PDE4D: variants seen among roughly 807,000 people sequenced by gnomAD.
PDE4D encodes phosphodiesterase 4D, also known as 3',5'-cyclic-AMP phosphodiesterase 4D.
PDE4D carries 24 observed loss-of-function variants against 87.4 expected under a neutral mutation model. The observed-to-expected ratio is 0.27, with a 90% confidence interval of 0.20 to 0.39. The LOEUF is 0.39. Ranked by LOEUF, PDE4D falls within the 10% of genes least tolerant of loss-of-function variation. PDE4D has a pLI of 1.00. For missense variants in PDE4D, 714 were observed against 1,041.0 expected (o/e 0.69, Z 4.32); for synonymous variants, 384 against 383.2 (o/e 1.00, Z -0.02).
chr5:59,881,636 C>T (rs1218707775), intron 1 of PDE4D, among the ~76,000 whole-genome samples: 1 of 151,816 alleles, frequency 6.6e-6, no homozygotes, highest in Non-Finnish European at 1.5e-5. Flanking sequence ...AATTGGTAAC[C>T]CTGGAGTTCA....
chr5:59,113,227 AGG>A (rs900204407), intron 5 of PDE4D, among the ~76,000 whole-genome samples: 26 of 152,244 alleles, frequency 1.7e-4, no homozygotes, highest in Non-Finnish European at 3.8e-4. Context: ...ATGATAAAAT[AGG>A]GGTACAGAAG....
chr5:60,287,399 G>A (rs1195979395), intron 1 of PDE4D, among the ~76,000 whole-genome samples: 1 of 152,118 alleles, frequency 6.6e-6, no homozygotes, highest in Non-Finnish European at 1.5e-5. Flanking sequence ...CAGGCCTTAG[G>A]GCACCATTGC....
chr5:60,300,895 T>C (rs916188299), intron 1 of PDE4D, among the ~76,000 whole-genome samples: 4 of 152,120 alleles, frequency 2.6e-5, no homozygotes, highest in East Asian at 1.9e-4. Flanking sequence ...CTCAGCCTCC[T>C]GAGTACCTGG....
At chr5:60,358,377 T>G (rs186579722) in intron 1 of PDE4D, among the ~76,000 whole-genome samples, 1 of 152,224 alleles carries the variant, frequency 6.6e-6, no homozygotes, top group Non-Finnish European at 1.5e-5. Context: ...GTCTTTTTGA[T>G]CACTGCATTT....
chr5:59,771,431 GAA>G (rs1169720007), intron 1 of PDE4D, among the ~76,000 whole-genome samples: 1,850 of 82,528 alleles, frequency 0.022, 27 homozygotes, highest in South Asian at 0.033. Context: ...GAAAGAAAAA[GAA>G]AAAGAAAGAA....
chr5:60,473,283 C>T (rs1218634654), intron 1 of PDE4D, among the ~76,000 whole-genome samples: 1 of 151,444 alleles, frequency 6.6e-6, no homozygotes, highest in Non-Finnish European at 1.5e-5. Flanking sequence ...GGCAGAGAAG[C>T]AAGGGAGGAA....
chr5:59,635,952 T>G (rs1156774733), intron 1 of PDE4D, among the ~76,000 whole-genome samples: 1 of 152,224 alleles, frequency 6.6e-6, no homozygotes, highest in Non-Finnish European at 1.5e-5. Flanking sequence ...ATTATCTCTC[T>G]TTGCGGATGA....
intron 2 of PDE4D, among the ~76,000 whole-genome samples, chr5:60,149,933 T>TAC (rs1466773847): frequency 6.8e-6 from 1 of 147,200 alleles, no homozygotes; most frequent in Non-Finnish European, 1.5e-5. Context: ...ATCCTATATA[T>TAC]ACATATGTTA....
At position 59,555,839 on chromosome 5, in the gene PDE4D, A is replaced by G. The variant is rs114492148; in HGVS notation, c.455+337329T>C. Among the ~76,000 whole-genome samples the G allele has an allele frequency of 4.2e-3, 637 of 152,128 alleles. 9 individuals carry two copies. The highest frequency in any genetic ancestry group is 0.014 in the African/African-American group (601 of 41,520). On this transcript the variant is annotated intron_variant, in intron 1 of 14. Coordinates refer to ENST00000340635, the MANE Select transcript of PDE4D (RefSeq NM_001104631.2). ...CTCATCACTAATCCTCACTTCTCCTACAAAAGGACATTGTTATGAAGCATC... is the reference window on the plus strand; with the variant it reads ...CTCATCACTAATCCTCACTTCTCCTGCAAAAGGACATTGTTATGAAGCATC...
At chr5:59,820,414 C>T (rs946705842) in intron 1 of PDE4D, among the ~76,000 whole-genome samples, 1 of 152,178 alleles carries the variant, frequency 6.6e-6, no homozygotes, top group Non-Finnish European at 1.5e-5. Flanking sequence ...TTATCATTTT[C>T]CTTACAATTC....
intron 1 of PDE4D, among the ~76,000 whole-genome samples, chr5:59,386,044 G>A (rs979153668): frequency 6.6e-6 from 1 of 152,088 alleles, no homozygotes; most frequent in Non-Finnish European, 1.5e-5. Context: ...GTAGAAACAG[G>A]AGCCTTGGAT....
At chr5:60,173,131 A>T (rs899266900) in intron 2 of PDE4D, among the ~76,000 whole-genome samples, 1 of 152,144 alleles carries the variant, frequency 6.6e-6, no homozygotes, top group East Asian at 1.9e-4. Flanking sequence ...TAACAGGTAC[A>T]TTAGTACATA....
rs1209466720 is a variant in PDE4D at position 59,032,970 on chromosome 5, A to C, written c.921+5889T>G. 2.6e-5 allele frequency among the ~76,000 whole-genome samples: 4 copies of C among 152,206 alleles called. No homozygotes were observed. In the East Asian group the frequency reaches 7.7e-4, roughly 29 times the overall value. Reference sequence around the variant, plus strand: ...CAAGTTTGCCTAATGAAAAACATTTATGTTCTTTTCACTGTACAAAGCTGC... The same window carrying C: ...CAAGTTTGCCTAATGAAAAACATTTCTGTTCTTTTCACTGTACAAAGCTGC... On this transcript the variant is annotated intron_variant, in intron 6 of 14. Transcript: ENST00000340635.
At chr5:59,603,512 T>C (rs773564553) in intron 1 of PDE4D, among the ~76,000 whole-genome samples, 7 of 151,998 alleles carry the variant, frequency 4.6e-5, no homozygotes, top group Non-Finnish European at 8.8e-5. Context: ...TTGGCAAGAA[T>C]GTGGAGAAAA....
chr5:60,503,431 T>C (rs1750187145), intron 1 of PDE4D, among the ~76,000 whole-genome samples: 1 of 152,198 alleles, frequency 6.6e-6, no homozygotes, highest in East Asian at 1.9e-4. Context: ...AATTTCTTTA[T>C]TCTTGGCTAT....
At chr5:59,650,790 G>A (rs1383072852) in intron 1 of PDE4D, among the ~76,000 whole-genome samples, 1 of 151,892 alleles carries the variant, frequency 6.6e-6, no homozygotes, top group Non-Finnish European at 1.5e-5. Flanking sequence ...ATATATCTAT[G>A]CACTCACTTC....
chr5:60,061,639 A>T lies in PDE4D; in HGVS notation c.43-72922T>A, dbSNP rs1297511542. On this transcript the variant is annotated intron_variant, in intron 2 of 16. Coordinates refer to the PDE4D transcript ENST00000502484. ...CGTATAGCCAAAACAATTCTAAGCA[A>T]AAAGAATAAAGCTGGAGGCATCACA... Among the ~76,000 whole-genome samples, 3 of 152,202 alleles carry T rather than the reference A, an allele frequency of 2.0e-5. No homozygotes were observed. The East Asian group carries it at 5.8e-4, about 29-fold the overall frequency.
chr5:60,052,183 C>G (rs1040994821), intron 2 of PDE4D, among the ~76,000 whole-genome samples: 7 of 152,158 alleles, frequency 4.6e-5, no homozygotes, highest in African/African-American at 1.7e-4. Context: ...CTCCCTAACT[C>G]ATTTTATGAA....
chr5:60,125,470 C>T (rs763747131), intron 2 of PDE4D, among the ~76,000 whole-genome samples: 1 of 152,096 alleles, frequency 6.6e-6, no homozygotes, highest in Non-Finnish European at 1.5e-5. Flanking sequence ...ATGCTACTGA[C>T]GGTCTTCTCA....
Sources: gnomAD v4.1 joint callset for allele counts (sites outside exome capture counted in the v4.1 genomes callset) on GRCh38, gnomAD v4.1.1 for gene constraint, MANE v1.5 for transcripts, NCBI Gene and HGNC (gene_info 2026-07-23, HGNC 2026-07-21) for gene names.